SUCLG2: variants seen among roughly 807,000 people sequenced by gnomAD.
The protein encoded by SUCLG2 is succinate-CoA ligase GDP-forming subunit beta.
A neutral mutation model predicts 47.9 loss-of-function variants in SUCLG2; 42 were observed. The observed-to-expected ratio is 0.88, with a 90% CI of 0.69 to 1.14. The LOEUF is 1.14. SUCLG2 is among the 50% of genes most tolerant of loss of function. The pLI is 0.00. For synonymous variants in SUCLG2, 195 were observed against 197.3 expected, an observed-to-expected ratio of 0.99 and a Z score of 0.10; for missense variants, 571 against 525.9, an observed-to-expected ratio of 1.09 and a Z score of -0.84.
intron 2 of SUCLG2, among the ~76,000 whole-genome samples, chr3:67,583,176 T>G (rs1479433768): frequency 6.6e-6 from 1 of 152,002 alleles, no homozygotes; most frequent in African/African-American, 2.4e-5. Flanking sequence ...TACCACCTCC[T>G]GCCACACCAT....
At chr3:67,499,130 G>A (rs1254779113) in intron 7 of SUCLG2, among the ~76,000 whole-genome samples, 1 of 152,178 alleles carries the variant, frequency 6.6e-6, no homozygotes, top group African/African-American at 2.4e-5. Context: ...ATAACACAGT[G>A]AAATAATTAA....
chr3:67,583,716 C>A (rs1004157111), intron 2 of SUCLG2, among the ~76,000 whole-genome samples: 2 of 152,190 alleles, frequency 1.3e-5, no homozygotes, highest in African/African-American at 2.4e-5. Flanking sequence ...CAGTTCCTTG[C>A]AGCTACAAGA....
In SUCLG2 at chr3:67,529,089, T is replaced by G. The variant is rs1706332864; in HGVS notation, c.324A>C (p.Lys108Asn). ...GGAATAACAACCTCCAGACTTACTC[T>G]TTTGTTAAATGAACACCTCCTTTCA... ...SGLKGGVHLT[K>N]DPNVVGQLAK... Residue 108 changes from lysine (K) to asparagine (N), a missense_variant and splice_region_variant, in exon 3 of 11, where the codon AAA becomes AAC. Physicochemically the swap from Lys to Asn is moderately conservative, Grantham distance 94. Coordinates refer to ENST00000307227, the MANE Select transcript of SUCLG2 (RefSeq NM_003848.4). 1 of 1,610,176 alleles carries G rather than the reference T, an allele frequency of 6.2e-7. No homozygotes were observed. Among genetic ancestry groups the G allele is most frequent in the African/African-American group, 1.3e-5 (1 of 74,844 alleles).
At chr3:67,445,628 T>TA (rs1172771655) in intron 9 of SUCLG2, among the ~76,000 whole-genome samples, 573 of 5,856 alleles carry the variant, frequency 0.098, 92 homozygotes, top group Admixed American at 0.34. Flanking sequence ...AAAAATAAAT[T>TA]AAAAAAAAAA....
intron 10 of SUCLG2, among the ~76,000 whole-genome samples, chr3:67,394,291 G>T (rs1462318201): frequency 1.3e-5 from 2 of 151,916 alleles, no homozygotes; most frequent in South Asian, 4.2e-4. Flanking sequence ...TTAGATGAAT[G>T]TATAACTAGA....
chr3:67,427,393 GA>G (rs2106874631), intron 9 of SUCLG2, among the ~76,000 whole-genome samples: 1 of 152,234 alleles, frequency 6.6e-6, no homozygotes, highest in South Asian at 2.1e-4. Context: ...TAATATCAAG[GA>G]AGCTACTGGT....
intron 9 of SUCLG2, among the ~76,000 whole-genome samples, chr3:67,404,143 C>T (rs1370927496): frequency 6.6e-6 from 1 of 152,170 alleles, no homozygotes; most frequent in African/African-American, 2.4e-5. Context: ...CTTGGCCTCC[C>T]AAAGTGTTGG....
chr3:67,485,754 C>T lies in SUCLG2; in HGVS notation c.1062+10044G>A, dbSNP rs372995547. Among the ~76,000 whole-genome samples the T allele has an allele frequency of 3.9e-5, 6 of 152,096 alleles. No homozygotes were observed. In the East Asian group the frequency reaches 9.7e-4, roughly 24 times the overall value. Reference sequence around the variant, plus strand: ...TTCCAAAAACATAAAGTGAAAATAACCTAAATTTGTAAGGAAAGCATTCTT... The same window carrying T: ...TTCCAAAAACATAAAGTGAAAATAATCTAAATTTGTAAGGAAAGCATTCTT... On this transcript the variant is annotated intron_variant, in intron 9 of 10. Transcript: ENST00000307227.
chr3:67,637,927 A>G (rs1457146777), intron 1 of SUCLG2, among the ~76,000 whole-genome samples: 2 of 152,246 alleles, frequency 1.3e-5, no homozygotes, highest in Non-Finnish European at 2.9e-5. Context: ...GAAGTTACAA[A>G]AAAAGAGTGA....
chr3:67,638,604 T>C (rs1701046908), intron 1 of SUCLG2, among the ~76,000 whole-genome samples: 1 of 152,206 alleles, frequency 6.6e-6, no homozygotes, highest in African/African-American at 2.4e-5. Context: ...AATTTGGAAT[T>C]ACTGGTCATC....
chr3:67,635,755 C>T (rs557124613), intron 1 of SUCLG2, among the ~76,000 whole-genome samples: 5 of 152,208 alleles, frequency 3.3e-5, no homozygotes, highest in African/African-American at 9.6e-5. Flanking sequence ...ACCATTGCAC[C>T]CTGTCATCAA....
intron 9 of SUCLG2, among the ~76,000 whole-genome samples, chr3:67,439,837 A>G (rs995667617): frequency 6.6e-6 from 1 of 152,196 alleles, no homozygotes; most frequent in East Asian, 1.9e-4. Context: ...TGCTATCCCC[A>G]TCAAGCTACC....
chr3:67,483,101 A>T (rs936364553), intron 9 of SUCLG2, among the ~76,000 whole-genome samples: 47 of 152,286 alleles, frequency 3.1e-4, no homozygotes, highest in African/African-American at 1.1e-3. Context: ...GGTGGAAATG[A>T]AGCATTCTCA....
At chr3:67,530,859 G>A (rs1706384638) in intron 2 of SUCLG2, among the ~76,000 whole-genome samples, 1 of 152,152 alleles carries the variant, frequency 6.6e-6, no homozygotes, top group Non-Finnish European at 1.5e-5. Context: ...CAAATTAATT[G>A]TCAGAAACTC....
intron 9 of SUCLG2, among the ~76,000 whole-genome samples, chr3:67,482,661 T>C (rs917717055): frequency 2.0e-5 from 3 of 152,162 alleles, no homozygotes; most frequent in African/African-American, 7.2e-5. Flanking sequence ...TCAGAAATCA[T>C]CTAAATATGA....
At chr3:67,472,040 G>A (rs1379278202) in intron 9 of SUCLG2, among the ~76,000 whole-genome samples, 1 of 151,956 alleles carries the variant, frequency 6.6e-6, no homozygotes. Context: ...ATAATTTGAT[G>A]TTACATTATA....
intron 10 of SUCLG2, among the ~76,000 whole-genome samples, chr3:67,394,443 G>A (rs1160407935): frequency 6.7e-6 from 1 of 148,490 alleles, no homozygotes; most frequent in East Asian, 2.0e-4. Flanking sequence ...TGAAATGAAT[G>A]AAATGAAGCG....
chr3:67,579,664 C>T (rs1371660079), intron 2 of SUCLG2, among the ~76,000 whole-genome samples: 1 of 152,156 alleles, frequency 6.6e-6, no homozygotes, highest in East Asian at 1.9e-4. Context: ...TGGGCACTAA[C>T]GTCCTTCAGT....
At chr3:67,557,723 G>A (rs1182393690) in intron 2 of SUCLG2, among the ~76,000 whole-genome samples, 1 of 152,158 alleles carries the variant, frequency 6.6e-6, no homozygotes, top group Non-Finnish European at 1.5e-5. Context: ...ATCACTTGTA[G>A]TGCATCTTAA....
Sources: gnomAD v4.1 joint callset for allele counts (sites outside exome capture counted in the v4.1 genomes callset) on GRCh38, gnomAD v4.1.1 for gene constraint, MANE v1.5 for transcripts, NCBI Gene and HGNC (gene_info 2026-07-23, HGNC 2026-07-21) for gene names.